Variants in IL1RAPL2 observed in about 807,000 individuals in gnomAD.
IL1RAPL2 encodes interleukin 1 receptor accessory protein like 2.
A neutral mutation model predicts 44.1 loss-of-function variants in IL1RAPL2; 3 were observed. The observed-to-expected ratio is 0.07, with a 90% CI of 0.03 to 0.18. IL1RAPL2 has a LOEUF of 0.18. IL1RAPL2 is among the 10% of genes least tolerant of loss of function. IL1RAPL2 has a pLI of 1.00. For missense variants in IL1RAPL2, 391 were observed against 496.4 expected (o/e 0.79, Z 2.02); for synonymous variants, 181 against 178.8 (o/e 1.01, Z -0.10).
intron 1 of IL1RAPL2, among the ~76,000 whole-genome samples, chrX:104,571,655 A>G (rs1463618749): frequency 3.6e-5 from 4 of 112,179 alleles, no homozygotes; most frequent in African/African-American, 1.3e-4. Flanking sequence ...AGCCATGCGG[A>G]ACTGTGAGTC....
intron 2 of IL1RAPL2, among the ~76,000 whole-genome samples, chrX:104,906,371 C>T (rs763974519): frequency 0.019 from 2,068 of 110,602 alleles, 49 homozygotes; most frequent in African/African-American, 0.064. Context: ...GAGGGCATCC[C>T]TGTCTTGTGC....
At chrX:104,767,164 T>A (rs1045119929) in intron 2 of IL1RAPL2, among the ~76,000 whole-genome samples, 6 of 111,913 alleles carry the variant, frequency 5.4e-5, no homozygotes, top group Non-Finnish European at 1.1e-4. Context: ...ATCCATCAGG[T>A]GCAATATCAG....
At chrX:105,573,138 A>G (rs375836297) in intron 6 of IL1RAPL2, among the ~76,000 whole-genome samples, 3 of 111,463 alleles carry the variant, frequency 2.7e-5, no homozygotes, top group East Asian at 5.7e-4. Flanking sequence ...GGCTCACTAC[A>G]GCCTCAACTT....
intron 1 of IL1RAPL2, among the ~76,000 whole-genome samples, chrX:104,600,649 T>C (rs1315123095): frequency 3.6e-5 from 4 of 110,491 alleles, no homozygotes; most frequent in African/African-American, 1.3e-4. Flanking sequence ...TACCCAATAG[T>C]TTTTCAACAC....
At chrX:105,398,834 A>G in intron 5 of IL1RAPL2, among the ~76,000 whole-genome samples, 1 of 111,962 alleles carries the variant, frequency 8.9e-6, no homozygotes, top group Non-Finnish European at 1.9e-5. Context: ...ATCTTCCTCT[A>G]GGGCAAGACT....
chrX:105,397,923 T>C (rs2035576107), intron 5 of IL1RAPL2, among the ~76,000 whole-genome samples: 1 of 110,926 alleles, frequency 9.0e-6, no homozygotes, highest in African/African-American at 3.3e-5. Context: ...TCTTCTCTTG[T>C]CACTGTATTC....
At chrX:105,240,235 T>C (rs1355208772) in intron 4 of IL1RAPL2, among the ~76,000 whole-genome samples, 2 of 112,766 alleles carry the variant, frequency 1.8e-5, no homozygotes, top group African/African-American at 6.4e-5. Flanking sequence ...ATACTTAACA[T>C]TGGTCTTATG....
At chrX:105,084,900 G>T (rs1015548503) in intron 2 of IL1RAPL2, among the ~76,000 whole-genome samples, 1 of 111,583 alleles carries the variant, frequency 9.0e-6, no homozygotes, top group Non-Finnish European at 1.9e-5. Flanking sequence ...CATGGAGGCA[G>T]TGTTCCCTAG....
At chrX:104,727,875 A>G (rs1283851713) in intron 2 of IL1RAPL2, among the ~76,000 whole-genome samples, 2 of 110,440 alleles carry the variant, frequency 1.8e-5, no homozygotes, top group Admixed American at 9.7e-5. Context: ...AAAATACTGC[A>G]TGTTCTCACT....
intron 2 of IL1RAPL2, among the ~76,000 whole-genome samples, chrX:105,140,462 T>C (rs1470381625): frequency 9.0e-6 from 1 of 110,613 alleles, no homozygotes; most frequent in African/African-American, 3.4e-5. Flanking sequence ...GGAACGTGAA[T>C]GGCATTCTGG....
At chrX:105,334,681 C>T (rs1000232917) in intron 5 of IL1RAPL2, among the ~76,000 whole-genome samples, 12 of 111,179 alleles carry the variant, frequency 1.1e-4, no homozygotes, top group Non-Finnish European at 2.3e-4. Flanking sequence ...TTAAAAAATG[C>T]TCTCCTGGAC....
intron 2 of IL1RAPL2, among the ~76,000 whole-genome samples, chrX:104,912,435 C>A (rs1924272910): frequency 9.0e-6 from 1 of 110,612 alleles, no homozygotes; most frequent in South Asian, 3.9e-4. Context: ...TTTCAAAAGG[C>A]AATCCCATCC....
intron 2 of IL1RAPL2, among the ~76,000 whole-genome samples, chrX:104,758,582 G>A (rs1164082921): frequency 1.8e-5 from 2 of 111,388 alleles, no homozygotes; most frequent in African/African-American, 6.5e-5. Context: ...GGTTGATACA[G>A]TTATGAGTGA....
intron 5 of IL1RAPL2, among the ~76,000 whole-genome samples, chrX:105,428,389 G>A (rs1466193820): frequency 1.8e-5 from 2 of 110,895 alleles, no homozygotes; most frequent in Non-Finnish European, 3.8e-5. Context: ...TTTATACTTC[G>A]TCCAAATGAC....
intron 2 of IL1RAPL2, among the ~76,000 whole-genome samples, chrX:104,695,728 G>T (rs1300688783): frequency 9.0e-6 from 1 of 111,262 alleles, no homozygotes; most frequent in Non-Finnish European, 1.9e-5. Flanking sequence ...TGTGTTTCAG[G>T]CACTGTTCTC....
At chrX:105,435,663 C>A (rs2035876649) in intron 5 of IL1RAPL2, among the ~76,000 whole-genome samples, 1 of 111,856 alleles carries the variant, frequency 8.9e-6, no homozygotes, top group African/African-American at 3.3e-5. Flanking sequence ...CAATGATAGA[C>A]TGGATAAAGA....
intron 2 of IL1RAPL2, among the ~76,000 whole-genome samples, chrX:104,669,001 G>T (rs1046887065): frequency 1.8e-5 from 2 of 111,310 alleles, no homozygotes; most frequent in Non-Finnish European, 3.8e-5. Context: ...CATAGCTCTC[G>T]TTACTTTTCA....
At chrX:105,395,717 G>T (rs965486494) in intron 5 of IL1RAPL2, among the ~76,000 whole-genome samples, 1 of 111,757 alleles carries the variant, frequency 8.9e-6, no homozygotes, top group Non-Finnish European at 1.9e-5. Context: ...CCTTCTCAGT[G>T]ATTGTTCCAC....
chrX:105,095,016 C>T (rs980419556), intron 2 of IL1RAPL2, among the ~76,000 whole-genome samples: 13 of 111,607 alleles, frequency 1.2e-4, no homozygotes, highest in East Asian at 2.8e-4. Flanking sequence ...ATACCAATAT[C>T]GTATCTTGCA....
Sources: gnomAD v4.1 joint callset for allele counts (sites outside exome capture counted in the v4.1 genomes callset) on GRCh38, gnomAD v4.1.1 for gene constraint, MANE v1.5 for transcripts, NCBI Gene and HGNC (gene_info 2026-07-23, HGNC 2026-07-21) for gene names.